Variants in PDLIM5 observed in about 807,000 individuals in gnomAD.
PDLIM5 encodes the protein PDZ and LIM domain protein 5.
In PDLIM5, 34 loss-of-function variants were observed where a neutral mutation model predicts 64.2. The observed-to-expected ratio is 0.53, with a 90% CI of 0.40 to 0.71. PDLIM5 has a LOEUF of 0.71. Among genes scored for constraint, PDLIM5 ranks in the 30% least tolerant of loss-of-function variants. PDLIM5 has a pLI of 0.00. For missense variants in PDLIM5, 683 were observed against 733.6 expected, an observed-to-expected ratio of 0.93 and a Z score of 0.80; for synonymous variants, 253 against 269.1, an observed-to-expected ratio of 0.94 and a Z score of 0.59.
intron 11 of PDLIM5, among the ~76,000 whole-genome samples, chr4:94,659,162 A>C (rs1158530887): frequency 6.6e-6 from 1 of 152,070 alleles, no homozygotes; most frequent in African/African-American, 2.4e-5. Flanking sequence ...TTAACCTCCA[A>C]ACCATTTCTT....
chr4:94,613,646 T>C (rs932599453), intron 7 of PDLIM5, among the ~76,000 whole-genome samples: 3 of 152,196 alleles, frequency 2.0e-5, no homozygotes, highest in African/African-American at 4.8e-5. Flanking sequence ...GTTTATTTGG[T>C]AGATTAGTGA....
intron 3 of PDLIM5, among the ~76,000 whole-genome samples, chr4:94,566,452 T>C (rs1734327103): frequency 6.6e-6 from 1 of 152,186 alleles, no homozygotes; most frequent in Admixed American, 6.5e-5. Flanking sequence ...AATAGAATAA[T>C]TTCCAGAACT....
Position 94,665,456 on chromosome 4 carries a change from G to C in PDLIM5, c.*1389G>C, listed in dbSNP as rs1743027159. ...AGATCACACCACTGCACTCCAGCCT[G>C]GTGACAGAGCAAGACTCCGGCTCTT... On this transcript the variant is annotated 3_prime_UTR_variant, in exon 13 of 13. Transcript: ENST00000317968. 1.3e-6 allele frequency: 1 copy of C among 774,222 alleles called. No individual in the cohort carries two copies. The highest frequency in any genetic ancestry group is 1.5e-6 in the Non-Finnish European group (1 of 649,766). 48.0% of individuals were successfully genotyped at this position (774,222 alleles called of 1,614,324 possible).
At chr4:94,543,475 A>T (rs2510775) in intron 3 of PDLIM5, among the ~76,000 whole-genome samples, 88,131 of 151,940 alleles carry the variant, frequency 0.58, 27,129 homozygotes, top group African/African-American at 0.79. Flanking sequence ...CTCAGCAATT[A>T]TCAAGAATAT....
chr4:94,576,510 A>T (rs1311427421), intron 5 of PDLIM5, among the ~76,000 whole-genome samples: 2 of 152,158 alleles, frequency 1.3e-5, no homozygotes, highest in African/African-American at 4.8e-5. Context: ...TCCGCTTTTG[A>T]CTCATGTCTA....
chr4:94,625,478 AGT>A (rs368428404), intron 8 of PDLIM5, among the ~76,000 whole-genome samples: 28 of 149,856 alleles, frequency 1.9e-4, no homozygotes, highest in African/African-American at 5.9e-4. Flanking sequence ...TTTGAGACAG[AGT>A]CTCTCTGTGT....
chr4:94,486,731 A>G (rs190998132), intron 2 of PDLIM5, among the ~76,000 whole-genome samples: 13 of 152,256 alleles, frequency 8.5e-5, no homozygotes, highest in Non-Finnish European at 1.5e-4. Context: ...GCCAGGTGCA[A>G]TGGCTCATGC....
chr4:94,641,096 T>C (rs1281188565), intron 9 of PDLIM5, among the ~76,000 whole-genome samples: 2 of 152,228 alleles, frequency 1.3e-5, no homozygotes, highest in African/African-American at 2.4e-5. Context: ...TAAGGGGCTT[T>C]TAGAATGTTA....
intron 2 of PDLIM5, 127 bp downstream of exon 2, chr4:94,455,511 A>T (rs990588409): frequency 2.8e-6 from 2 of 726,610 alleles, no homozygotes; most frequent in Non-Finnish European, 4.9e-6. Context: ...GATCTTGGCA[A>T]ATTTGATTAT....
chr4:94,510,537 A>G (rs1292466977), intron 2 of PDLIM5, among the ~76,000 whole-genome samples: 3 of 151,998 alleles, frequency 2.0e-5, no homozygotes, highest in Admixed American at 6.6e-5. Context: ...CCTTTTAGTA[A>G]TTTTCAGTTT....
intron 12 of PDLIM5, among the ~76,000 whole-genome samples, chr4:94,662,889 A>G (rs1266320154): frequency 6.6e-6 from 1 of 151,716 alleles, no homozygotes; most frequent in African/African-American, 2.4e-5. Flanking sequence ...GGTACTTCTT[A>G]AAATACAAAT....
intron 2 of PDLIM5, among the ~76,000 whole-genome samples, chr4:94,501,955 TAGG>T (rs912532202): frequency 1.3e-5 from 2 of 152,228 alleles, no homozygotes; most frequent in African/African-American, 4.8e-5. Flanking sequence ...TAAGGTTCAG[TAGG>T]AGAACTGCAG....
chr4:94,541,783 CT>C (rs1731828870), intron 3 of PDLIM5, among the ~76,000 whole-genome samples: 1 of 152,164 alleles, frequency 6.6e-6, no homozygotes, highest in Non-Finnish European at 1.5e-5. Context: ...AGCGCCTCCC[CT>C]GGGAGTCTCT....
At position 94,466,376 on chromosome 4, in the gene PDLIM5, A is replaced by G. The variant is rs573759575; in HGVS notation, c.96+10992A>G. Among the ~76,000 whole-genome samples, 131 of 152,352 alleles carry G rather than the reference A, an allele frequency of 8.6e-4. 2 individuals carry two copies. Among genetic ancestry groups the G allele is most frequent in the Non-Finnish European group, 7.4e-4 (50 of 68,026 alleles). ...TATATAACTGGTTTCCAGACTGACT[A>G]GTAGTCAGAATCATCAGTGAGACTT... On this transcript the variant is annotated intron_variant, in intron 2 of 12. Coordinates refer to ENST00000317968, the MANE Select transcript of PDLIM5 (RefSeq NM_006457.5).
chr4:94,523,502 G>T (rs1730013645), intron 2 of PDLIM5, among the ~76,000 whole-genome samples: 1 of 150,744 alleles, frequency 6.6e-6, no homozygotes, highest in Non-Finnish European at 1.5e-5. Context: ...AGAAAATTCA[G>T]TTTTTTTTTA....
At position 94,664,117 on chromosome 4, in the gene PDLIM5, T is replaced by C; in HGVS notation, c.*50T>C. 1 of 1,419,262 alleles carries C rather than the reference T, an allele frequency of 7.0e-7. No homozygotes were observed. 87.9% of individuals were successfully genotyped at this position (1,419,262 alleles called of 1,614,324 possible). A position where few individuals can be genotyped will look rare whatever the true frequency, so the allele number is the denominator to read the frequency against. On this transcript the variant is annotated 3_prime_UTR_variant, in exon 13 of 13. Coordinates refer to ENST00000317968, the MANE Select transcript of PDLIM5 (RefSeq NM_006457.5). ...AGGAATTTGAAGAGAAAAAGGAAAA[T>C]TAAAATTACTAATTAATTTTTAGAT...
chr4:94,459,577 A>G (rs2126077416), intron 2 of PDLIM5, among the ~76,000 whole-genome samples: 1 of 152,338 alleles, frequency 6.6e-6, no homozygotes, highest in Admixed American at 6.5e-5. Context: ...AATACTTCCT[A>G]GAAGCCACTG....
At chr4:94,633,998 G>C (rs1740360524) in intron 8 of PDLIM5, among the ~76,000 whole-genome samples, 1 of 152,140 alleles carries the variant, frequency 6.6e-6, no homozygotes, top group African/African-American at 2.4e-5. Context: ...GGCCAGTACA[G>C]AGGAATAATC....
chr4:94,517,991 T>C (rs920571469), intron 2 of PDLIM5, among the ~76,000 whole-genome samples: 1 of 152,206 alleles, frequency 6.6e-6, no homozygotes, highest in Non-Finnish European at 1.5e-5. Flanking sequence ...TGCTGGCTTA[T>C]TTCCAAGGAA....
Sources: allele counts gnomAD v4.1 joint callset (sites outside exome capture counted in the v4.1 genomes callset), GRCh38; gene constraint gnomAD v4.1.1; transcripts MANE v1.5; gene names NCBI Gene and HGNC (gene_info 2026-07-23, HGNC 2026-07-21).